The following GRM8 variants were observed in gnomAD, a reference collection of about 807,000 sequenced individuals.
GRM8 encodes the protein metabotropic glutamate receptor 8.
In GRM8, 47 loss-of-function variants were observed where a neutral mutation model predicts 87.2. That is an observed-to-expected ratio of 0.54 (90% CI 0.43 to 0.69). The LOEUF is 0.69. Among genes scored for constraint, GRM8 ranks in the 30% least tolerant of loss-of-function variants. The pLI is 0.00. For missense variants in GRM8, 1,019 were observed against 1,139.2 expected (o/e 0.89, Z 1.52); for synonymous variants, 396 against 404.5 (o/e 0.98, Z 0.25).
At chr7:126,460,753 C>A (rs1014534067) in intron 9 of GRM8, among the ~76,000 whole-genome samples, 3 of 151,490 alleles carry the variant, frequency 2.0e-5, no homozygotes, top group Non-Finnish European at 4.4e-5. Flanking sequence ...GCCTTATGTA[C>A]AATTTTCAAT....
At chr7:127,245,664 G>A (rs1470826561) in intron 1 of GRM8, among the ~76,000 whole-genome samples, 1 of 151,496 alleles carries the variant, frequency 6.6e-6, no homozygotes, top group Non-Finnish European at 1.5e-5. Flanking sequence ...TTTAAAAAAA[G>A]ATTGGGGAAT....
intron 3 of GRM8, among the ~76,000 whole-genome samples, chr7:126,959,929 G>A (rs1447332084): frequency 1.3e-5 from 2 of 152,198 alleles, no homozygotes; most frequent in Non-Finnish European, 2.9e-5. Context: ...AGAGCCAGTT[G>A]TTGCAAAGAT....
intron 7 of GRM8, among the ~76,000 whole-genome samples, chr7:126,746,341 G>A (rs1815677959): frequency 6.6e-6 from 1 of 151,522 alleles, no homozygotes; most frequent in Non-Finnish European, 1.5e-5. Context: ...ATCTTTAATA[G>A]TGGAAGACTC....
intron 8 of GRM8, among the ~76,000 whole-genome samples, chr7:126,547,994 A>C (rs1817345657): frequency 6.6e-6 from 1 of 152,110 alleles, no homozygotes; most frequent in African/African-American, 2.4e-5. Context: ...CGCCACAAAA[A>C]AGATGTGAAT....
chr7:127,067,528 G>A (rs1040025682), intron 3 of GRM8, among the ~76,000 whole-genome samples: 1 of 152,174 alleles, frequency 6.6e-6, no homozygotes, highest in East Asian at 1.9e-4. Flanking sequence ...CTTGATTTCC[G>A]AAACTATCTG....
chr7:127,127,763 CATATTATT>C (rs1261948173), intron 2 of GRM8, among the ~76,000 whole-genome samples: 1 of 151,978 alleles, frequency 6.6e-6, no homozygotes, highest in Non-Finnish European at 1.5e-5. Flanking sequence ...ACACTAGGTG[CATATTATT>C]ATATGTAAGT....
intron 6 of GRM8, among the ~76,000 whole-genome samples, chr7:126,775,482 T>G (rs1402279536): frequency 3.6e-5 from 2 of 54,920 alleles, no homozygotes; most frequent in Admixed American, 1.9e-4. Context: ...CAAATAGGTT[T>G]TTTTTTTTTT....
At chr7:126,946,631 CCT>C (rs1807571216) in intron 3 of GRM8, among the ~76,000 whole-genome samples, 2 of 152,294 alleles carry the variant, frequency 1.3e-5, no homozygotes, top group African/African-American at 4.8e-5. Context: ...TCTATACCAA[CCT>C]GTAGATACAA....
intron 2 of GRM8, among the ~76,000 whole-genome samples, chr7:127,195,819 C>T (rs942278229): frequency 3.9e-5 from 6 of 152,148 alleles, no homozygotes; most frequent in African/African-American, 1.4e-4. Flanking sequence ...GTGTACTTGC[C>T]TATCCACCCC....
intron 2 of GRM8, among the ~76,000 whole-genome samples, chr7:127,147,044 A>G (rs1040568483): frequency 6.6e-6 from 1 of 152,060 alleles, no homozygotes; most frequent in Non-Finnish European, 1.5e-5. Context: ...CGTAAGTTAG[A>G]TGGTATATTT....
chr7:126,508,573 G>A (rs540768656), intron 9 of GRM8, among the ~76,000 whole-genome samples: 21 of 152,006 alleles, frequency 1.4e-4, no homozygotes, highest in Non-Finnish European at 2.5e-4. Flanking sequence ...AAATGAATGA[G>A]ATTTGTTTTA....
intron 8 of GRM8, among the ~76,000 whole-genome samples, chr7:126,558,630 C>A (rs185080336): frequency 6.6e-6 from 1 of 152,024 alleles, no homozygotes; most frequent in African/African-American, 2.4e-5. Context: ...GTAAATTCTA[C>A]GAAGATAGTT....
At chr7:126,679,931 T>C (rs1475658437) in intron 7 of GRM8, among the ~76,000 whole-genome samples, 1 of 151,780 alleles carries the variant, frequency 6.6e-6, no homozygotes, top group Non-Finnish European at 1.5e-5. Context: ...CCCAGGAGGC[T>C]GAGGCAGGAA....
At chr7:126,853,405 G>A (rs1797394924) in intron 6 of GRM8, among the ~76,000 whole-genome samples, 1 of 152,106 alleles carries the variant, frequency 6.6e-6, no homozygotes, top group South Asian at 2.1e-4. Context: ...CCAGGTCATA[G>A]AAAGAATAGG....
chr7:126,487,358 T>C (rs775817336), intron 9 of GRM8, among the ~76,000 whole-genome samples: 7 of 151,974 alleles, frequency 4.6e-5, no homozygotes, highest in Non-Finnish European at 1.0e-4. Context: ...TTCAAACTCC[T>C]GGGCTCAAGC....
intron 3 of GRM8, among the ~76,000 whole-genome samples, chr7:126,984,755 T>C (rs1403349567): frequency 2.0e-5 from 3 of 152,200 alleles, no homozygotes; most frequent in African/African-American, 4.8e-5. Flanking sequence ...TAATACATTA[T>C]GACTCCCTAT....
intron 6 of GRM8, among the ~76,000 whole-genome samples, chr7:126,828,266 A>G (rs929975765): frequency 3.3e-4 from 50 of 152,080 alleles, no homozygotes; most frequent in Admixed American, 2.6e-3. Context: ...TCTATTGATT[A>G]GAATAGTTTC....
At chr7:126,638,392 A>G (rs1802060675) in intron 7 of GRM8, among the ~76,000 whole-genome samples, 1 of 151,718 alleles carries the variant, frequency 6.6e-6, no homozygotes, top group African/African-American at 2.4e-5. Flanking sequence ...TAACCACAAG[A>G]TTATGTGTAA....
chr7:126,506,834 G>A (rs188680222), intron 9 of GRM8, among the ~76,000 whole-genome samples: 8 of 152,112 alleles, frequency 5.3e-5, no homozygotes, highest in Admixed American at 3.9e-4. Context: ...CTCTCTCTGT[G>A]CTTCCTCTGC....
Sources: gnomAD v4.1 joint callset for allele counts (sites outside exome capture counted in the v4.1 genomes callset) on GRCh38, gnomAD v4.1.1 for gene constraint, MANE v1.5 for transcripts, NCBI Gene and HGNC (gene_info 2026-07-23, HGNC 2026-07-21) for gene names.